Variants in ARHGAP15 observed in about 807,000 individuals in gnomAD.
ARHGAP15 encodes the protein Rho GTPase activating protein 15.
Under a neutral mutation model 63.7 loss-of-function variants are expected in ARHGAP15, and 51 were observed. That is an observed-to-expected ratio of 0.80 (90% CI 0.64 to 1.01). ARHGAP15 has a LOEUF of 1.01. ARHGAP15 is among the 50% of genes least tolerant of loss of function. The probability of loss-of-function intolerance (pLI) is 0.00; values close to 1 mark genes in which losing one functional copy is unlikely to be tolerated. For synonymous variants in ARHGAP15, 191 were observed against 193.8 expected, an observed-to-expected ratio of 0.99 and a Z score of 0.12; for missense variants, 560 against 564.6, an observed-to-expected ratio of 0.99 and a Z score of 0.08.
At chr2:143,532,281 C>CA (rs1694553717) in intron 10 of ARHGAP15, among the ~76,000 whole-genome samples, 1 of 152,196 alleles carries the variant, frequency 6.6e-6, no homozygotes, top group Non-Finnish European at 1.5e-5. Context: ...GCACCTGTTA[C>CA]AGTATAGAGT....
chr2:143,271,338 C>G (rs1417284347), intron 6 of ARHGAP15, among the ~76,000 whole-genome samples: 3 of 152,192 alleles, frequency 2.0e-5, no homozygotes, highest in Non-Finnish European at 4.4e-5. Context: ...CCTAAAGTTT[C>G]TATTTCTTGT....
In ARHGAP15 at chr2:143,638,701, AAC is replaced by A. The variant is rs1553516137; in HGVS notation, c.1138+14435_1138+14436del. Among the ~76,000 whole-genome samples, 7 of 150,338 alleles carry A rather than the reference AAC, an allele frequency of 4.7e-5. No individual in the cohort carries two copies. The East Asian group carries it at 1.4e-3, about 30-fold the overall frequency. On this transcript the variant is annotated intron_variant, in intron 12 of 13. Coordinates refer to ENST00000295095, the MANE Select transcript of ARHGAP15 (RefSeq NM_018460.4). ...AAAAAAAATATTAAAAAAAAAAAAA[AAC>A]TCAGAGAAGAGACATTCCAAATTTA...
chr2:143,267,079 A>G (rs558625812), intron 6 of ARHGAP15, among the ~76,000 whole-genome samples: 1 of 152,308 alleles, frequency 6.6e-6, no homozygotes, highest in African/African-American at 2.4e-5. Flanking sequence ...GAAGTCACAG[A>G]GCCAACAAAG....
chr2:143,345,576 G>T (rs527388626), intron 6 of ARHGAP15, among the ~76,000 whole-genome samples: 2 of 151,700 alleles, frequency 1.3e-5, no homozygotes, highest in Non-Finnish European at 2.9e-5. Context: ...TTTTTTTAAC[G>T]CTTTTGGCAC....
chr2:143,153,782 C>A (rs1445703002), intron 1 of ARHGAP15, among the ~76,000 whole-genome samples: 5 of 24,856 alleles, frequency 2.0e-4, no homozygotes, highest in African/African-American at 8.7e-4. Context: ...AATAAATCTT[C>A]TTCTTCTTCT....
intron 9 of ARHGAP15, among the ~76,000 whole-genome samples, chr2:143,516,163 T>C (rs1693809515): frequency 1.3e-5 from 2 of 152,222 alleles, no homozygotes; most frequent in South Asian, 4.1e-4. Flanking sequence ...ATATACTGCC[T>C]CTACTGGGCA....
chr2:143,534,547 C>T lies in ARHGAP15; in HGVS notation c.925+15183C>T, dbSNP rs575763902. Among the ~76,000 whole-genome samples, 14 of 45,560 alleles carry T rather than the reference C, an allele frequency of 3.1e-4. No individual in the cohort carries two copies. The South Asian group carries it at 0.01, about 34-fold the overall frequency. 29.9% of individuals were successfully genotyped at this position (45,560 alleles called of 152,430 possible). ...GATCTGATGATTTCATGGGAGAATG[C>T]CATGAAATATTCACGACATTTCAAT... is the stretch of plus-strand genomic sequence containing the variant. On this transcript the variant is annotated intron_variant, in intron 10 of 13. Transcript: ENST00000295095.
chr2:143,280,090 A>G lies in ARHGAP15; in HGVS notation c.474+29490A>G, dbSNP rs546203447. 2.0e-5 allele frequency among the ~76,000 whole-genome samples: 3 copies of G among 152,342 alleles called. No homozygotes were observed. In the South Asian group the frequency reaches 6.2e-4, roughly 32 times the overall value. The stretch of plus-strand genomic sequence containing the variant: ...TGAATTCAACCTATAATTCTTCACA[A>G]GTCAAAATGACAGATTCTTTCAAAG... On this transcript the variant is annotated intron_variant, in intron 6 of 13. Coordinates refer to ENST00000295095, the MANE Select transcript of ARHGAP15 (RefSeq NM_018460.4).
At chr2:143,345,467 A>C (rs1477287637) in intron 6 of ARHGAP15, among the ~76,000 whole-genome samples, 3 of 152,020 alleles carry the variant, frequency 2.0e-5, no homozygotes, top group Admixed American at 1.3e-4. Context: ...TTCCACCTGA[A>C]CCCCACCCCA....
At chr2:143,567,782 A>G (rs906789248) in intron 11 of ARHGAP15, among the ~76,000 whole-genome samples, 13 of 152,086 alleles carry the variant, frequency 8.5e-5, no homozygotes, top group Non-Finnish European at 1.8e-4. Context: ...TCGGCCCCAT[A>G]TCTCGCTGTA....
intron 12 of ARHGAP15, among the ~76,000 whole-genome samples, chr2:143,677,760 G>A (rs1416969130): frequency 6.6e-6 from 1 of 152,118 alleles, no homozygotes; most frequent in African/African-American, 2.4e-5. Flanking sequence ...AAGACACTGA[G>A]CTAAGAAATC....
intron 6 of ARHGAP15, among the ~76,000 whole-genome samples, chr2:143,364,267 T>C (rs1467004459): frequency 3.3e-5 from 5 of 152,166 alleles, no homozygotes; most frequent in African/African-American, 9.6e-5. Flanking sequence ...CTGAATAATA[T>C]TGTAGGCACA....
intron 11 of ARHGAP15, among the ~76,000 whole-genome samples, chr2:143,586,738 A>T (rs1697125735): frequency 6.6e-6 from 1 of 151,890 alleles, no homozygotes; most frequent in Admixed American, 6.6e-5. Flanking sequence ...TGAATAATTC[A>T]TCTTCTGATG....
chr2:143,447,849 A>G (rs887750579), intron 8 of ARHGAP15, among the ~76,000 whole-genome samples: 3 of 152,172 alleles, frequency 2.0e-5, no homozygotes, highest in African/African-American at 7.2e-5. Context: ...TGCATGAGGA[A>G]TGAAGGGAAA....
intron 8 of ARHGAP15, among the ~76,000 whole-genome samples, chr2:143,464,569 A>G (rs570560344): frequency 6.6e-6 from 1 of 152,346 alleles, no homozygotes; most frequent in African/African-American, 2.4e-5. Flanking sequence ...CAAGTTATTT[A>G]TATTACTAAA....
At chr2:143,734,792 A>G (rs1685681953) in intron 13 of ARHGAP15, among the ~76,000 whole-genome samples, 1 of 152,228 alleles carries the variant, frequency 6.6e-6, no homozygotes, top group African/African-American at 2.4e-5. Context: ...TTCTGTTTCT[A>G]CATGGATATG....
chr2:143,161,823 C>T (rs957020415), intron 2 of ARHGAP15, among the ~76,000 whole-genome samples: 8 of 151,772 alleles, frequency 5.3e-5, no homozygotes, highest in Non-Finnish European at 1.0e-4. Context: ...AGAGTGAGAG[C>T]TGAGGATGAT....
intron 12 of ARHGAP15, among the ~76,000 whole-genome samples, chr2:143,675,277 A>G (rs1192360829): frequency 2.6e-5 from 4 of 152,124 alleles, no homozygotes; most frequent in Admixed American, 1.3e-4. Flanking sequence ...ATCTACAGTC[A>G]CTTCCTCCAC....
intron 6 of ARHGAP15, among the ~76,000 whole-genome samples, chr2:143,268,610 G>A (rs953147308): frequency 3.9e-5 from 6 of 152,068 alleles, no homozygotes; most frequent in Non-Finnish European, 7.4e-5. Flanking sequence ...ACACGTTAGA[G>A]TTTGAAAATG....
Sources: allele counts gnomAD v4.1 joint callset (sites outside exome capture counted in the v4.1 genomes callset), GRCh38; gene constraint gnomAD v4.1.1; transcripts MANE v1.5; gene names NCBI Gene and HGNC (gene_info 2026-07-23, HGNC 2026-07-21).